PEPD: variants seen among roughly 807,000 people sequenced by gnomAD.
PEPD encodes peptidase D, also known as xaa-Pro dipeptidase.
A neutral mutation model predicts 60.7 loss-of-function variants in PEPD; 53 were observed. The ratio of observed to expected loss-of-function variants is 0.87; its 90% CI spans 0.70 to 1.10. The LOEUF is 1.10. Among genes scored for constraint, PEPD ranks in the 50% least tolerant of loss-of-function variants. The pLI is 0.00. For missense variants in PEPD, 711 were observed against 711.9 expected, an observed-to-expected ratio of 1.00 and a Z score of 0.01; for synonymous variants, 267 against 284.1, an observed-to-expected ratio of 0.94 and a Z score of 0.60.
chr19:33,437,056 C>T (rs1476978591), intron 9 of PEPD, among the ~76,000 whole-genome samples: 1 of 152,158 alleles, frequency 6.6e-6, no homozygotes, highest in African/African-American at 2.4e-5. Flanking sequence ...CCAGGCAGAG[C>T]AGCCAGTGCT....
intron 7 of PEPD, among the ~76,000 whole-genome samples, chr19:33,476,423 C>T (rs911984793): frequency 6.6e-6 from 1 of 152,184 alleles, no homozygotes; most frequent in African/African-American, 2.4e-5. Context: ...CTCAGTGACA[C>T]ACCACCTAGC....
chr19:33,509,111 G>A (rs1396524548), intron 3 of PEPD, among the ~76,000 whole-genome samples: 2 of 152,238 alleles, frequency 1.3e-5, no homozygotes, highest in South Asian at 2.1e-4. Flanking sequence ...AGCACGCTGA[G>A]CCATCTCCTC....
At chr19:33,442,544 A>C (rs62100663) in intron 9 of PEPD, among the ~76,000 whole-genome samples, 2,390 of 81,790 alleles carry the variant, frequency 0.029, 46 homozygotes, top group African/African-American at 0.063. Flanking sequence ...ACTAAAAATA[A>C]AATAAAAAAA....
chr19:33,423,094 A>ATCATCCATCCATCCAT (rs1969065693), intron 9 of PEPD, among the ~76,000 whole-genome samples: 1 of 64,762 alleles, frequency 1.5e-5, no homozygotes. Context: ...TTACCTACTT[A>ATCATCCATCCATCCAT]TCATCCATCC....
At position 33,387,955 on chromosome 19, in the gene PEPD, C is replaced by T; in HGVS notation, c.1279G>A (p.Ala427Thr). 2 of 1,597,444 alleles carry T rather than the reference C, an allele frequency of 1.3e-6. No individual in the cohort carries two copies. Among genetic ancestry groups the T allele is most frequent in the East Asian group, 2.3e-5 (1 of 44,216 alleles). The change falls in exon 14 of 15, where the codon GCG (alanine) becomes ACG (threonine). Residue 427 changes from alanine to threonine, a missense_variant. Transcript: ENST00000244137. ...FIDHLLDEAL[A>T]DPARASFLNR... The stretch of plus-strand genomic sequence containing the variant: ...AGGAAGGAGGCGCGGGCCGGGTCCG[C>T]CAGGGCCTCATCCAGGAGGTGGTCG...
intron 9 of PEPD, 112 bp downstream of exon 9, chr19:33,462,881 AAT>A: frequency 1.3e-6 from 1 of 786,254 alleles, no homozygotes; most frequent in South Asian, 1.3e-5. Context: ...CCCTGTTCAT[AAT>A]CTCCGCTCAC....
intron 9 of PEPD, among the ~76,000 whole-genome samples, chr19:33,425,951 T>C (rs1227539183): frequency 6.6e-6 from 1 of 152,186 alleles, no homozygotes; most frequent in Non-Finnish European, 1.5e-5. Flanking sequence ...CTAGGACTAC[T>C]GGTGTGCACA....
At chr19:33,431,064 C>A (rs1025358096) in intron 9 of PEPD, among the ~76,000 whole-genome samples, 4 of 151,602 alleles carry the variant, frequency 2.6e-5, no homozygotes, top group African/African-American at 9.7e-5. Flanking sequence ...GAGCTATGAT[C>A]GCACCACTGC....
chr19:33,460,052 G>A (rs934173665), intron 9 of PEPD, among the ~76,000 whole-genome samples: 8 of 152,178 alleles, frequency 5.3e-5, no homozygotes, highest in African/African-American at 1.9e-4. Flanking sequence ...CCTGGTAGCA[G>A]TTGAGCCTGT....
intron 9 of PEPD, among the ~76,000 whole-genome samples, chr19:33,456,336 C>T (rs765030224): frequency 6.6e-6 from 1 of 152,178 alleles, no homozygotes; most frequent in Non-Finnish European, 1.5e-5. Flanking sequence ...ATTCTCCACC[C>T]AAGACAGCCC....
chr19:33,438,239 A>C (rs1289638456), intron 9 of PEPD, among the ~76,000 whole-genome samples: 1 of 152,212 alleles, frequency 6.6e-6, no homozygotes, highest in Non-Finnish European at 1.5e-5. Flanking sequence ...TGCTGGGCCC[A>C]GAACGACTCC....
chr19:33,456,451 C>T (rs1164799889), intron 9 of PEPD, among the ~76,000 whole-genome samples: 4 of 152,204 alleles, frequency 2.6e-5, no homozygotes, highest in East Asian at 1.9e-4. Context: ...ATGGTGTTTC[C>T]TGACTGCTCT....
intron 3 of PEPD, 132 bp downstream of exon 3, chr19:33,510,896 G>T: frequency 2.2e-6 from 2 of 924,002 alleles, no homozygotes; most frequent in Non-Finnish European, 3.4e-6. Context: ...AGCCCTGACC[G>T]CATGCCCTTC....
intron 9 of PEPD, among the ~76,000 whole-genome samples, chr19:33,419,442 G>T (rs529060515): frequency 1.3e-4 from 20 of 152,336 alleles, no homozygotes; most frequent in Non-Finnish European, 2.6e-4. Flanking sequence ...CAACCCTTTG[G>T]GGGCTGAGGG....
intron 7 of PEPD, among the ~76,000 whole-genome samples, chr19:33,471,428 T>G (rs1218227800): frequency 6.6e-6 from 1 of 152,164 alleles, no homozygotes; most frequent in Non-Finnish European, 1.5e-5. Flanking sequence ...CTCCCTGTCT[T>G]CAGGAGGAAT....
chr19:33,444,150 GCA>G (rs1320795282), intron 9 of PEPD, among the ~76,000 whole-genome samples: 3 of 152,250 alleles, frequency 2.0e-5, no homozygotes, highest in Middle Eastern at 3.4e-3. Flanking sequence ...ACACGCACAT[GCA>G]CACACACACG....
chr19:33,402,464 C>T (rs1032597718), intron 11 of PEPD, among the ~76,000 whole-genome samples: 5 of 152,236 alleles, frequency 3.3e-5, no homozygotes, highest in African/African-American at 7.2e-5. Flanking sequence ...GACACTCAGT[C>T]GGCGGCTAGG....
intron 9 of PEPD, among the ~76,000 whole-genome samples, chr19:33,434,363 T>C (rs1969334782): frequency 6.6e-6 from 1 of 152,138 alleles, no homozygotes; most frequent in Non-Finnish European, 1.5e-5. Context: ...TGCTTGGTTT[T>C]GTGTGGACGC....
At chr19:33,403,838 G>T (rs1968556422) in intron 11 of PEPD, among the ~76,000 whole-genome samples, 1 of 152,350 alleles carries the variant, frequency 6.6e-6, no homozygotes, top group Admixed American at 6.5e-5. Context: ...TCTCAGGCTG[G>T]GGGGAGGAGC....
Sources: allele counts gnomAD v4.1 joint callset (sites outside exome capture counted in the v4.1 genomes callset), GRCh38; gene constraint gnomAD v4.1.1; transcripts MANE v1.5; gene names NCBI Gene and HGNC (gene_info 2026-07-23, HGNC 2026-07-21).